Variants in RYR2 observed in about 807,000 individuals in gnomAD.
The protein encoded by RYR2 is cardiac muscle ryanodine receptor-calcium release channel.
RYR2 carries 227 observed loss-of-function variants against 601.1 expected under a neutral mutation model. The observed-to-expected ratio is 0.38, with a 90% CI of 0.34 to 0.42. The LOEUF is 0.42. Ranked by LOEUF, RYR2 falls within the 10% of genes least tolerant of loss-of-function variation. The probability of loss-of-function intolerance (pLI) is 1.00; values close to 1 mark genes in which losing one functional copy is unlikely to be tolerated. For synonymous variants in RYR2, 2,223 were observed against 2,175.1 expected, an observed-to-expected ratio of 1.02 and a Z score of -0.61; for missense variants, 4,646 against 6,156.5, an observed-to-expected ratio of 0.75 and a Z score of 8.21.
intron 1 of RYR2, among the ~76,000 whole-genome samples, chr1:237,115,408 G>T (rs1669957006): frequency 6.6e-6 from 1 of 152,160 alleles, no homozygotes; most frequent in Admixed American, 6.5e-5. Flanking sequence ...ACACAGCAAG[G>T]CTAATTCCTG....
intron 56 of RYR2, among the ~76,000 whole-genome samples, chr1:237,664,049 A>G (rs771999303): frequency 6.6e-6 from 1 of 152,232 alleles, no homozygotes; most frequent in Non-Finnish European, 1.5e-5. Flanking sequence ...TTTCAGGCAT[A>G]TCCCACAGGT....
intron 10 of RYR2, among the ~76,000 whole-genome samples, chr1:237,406,185 CTCCCCTTCCCTTCCCTCCCCTCCCT>C (rs1703864846): frequency 1.0e-4 from 7 of 69,020 alleles, no homozygotes; most frequent in African/African-American, 3.8e-4. Context: ...CTCCCCTCCC[CTCCCCTTCCCTTCCCTCCCCTCCCT>C]TCCCCTCCCC....
intron 38 of RYR2, among the ~76,000 whole-genome samples, chr1:237,621,071 T>G (rs1222966557): frequency 6.6e-6 from 1 of 152,130 alleles, no homozygotes. Context: ...CATTTTTTTA[T>G]CACATTGTTA....
chr1:237,198,967 A>G (rs1680874308), intron 1 of RYR2, among the ~76,000 whole-genome samples: 1 of 152,158 alleles, frequency 6.6e-6, no homozygotes, highest in Non-Finnish European at 1.5e-5. Context: ...CAAGAATTTA[A>G]CAAACTTAAT....
chr1:237,656,097 A>T, intron 53 of RYR2, 113 bp downstream of exon 53: 1 of 844,128 alleles, frequency 1.2e-6, no homozygotes, highest in Non-Finnish European at 1.8e-6. Context: ...TTGAATTGGT[A>T]TCCTTTTAAT....
rs1017137378 is a variant in RYR2 at position 237,216,407 on chromosome 1, C to A, written c.49-54090C>A. Among the ~76,000 whole-genome samples, 3 of 151,980 alleles carry A rather than the reference C, an allele frequency of 2.0e-5. No homozygotes were observed. The South Asian group carries it at 6.2e-4, about 32-fold the overall frequency. On this transcript the variant is annotated intron_variant, in intron 1 of 104. Coordinates refer to ENST00000366574, the MANE Select transcript of RYR2 (RefSeq NM_001035.3). ...ATCTTAGAAAAGTGAGGATTCCAAG[C>A]CTTAAGTTGAATGTTCAATTGATTT...
At chr1:237,149,213 C>G (rs1296113964) in intron 1 of RYR2, among the ~76,000 whole-genome samples, 4 of 152,118 alleles carry the variant, frequency 2.6e-5, no homozygotes, top group African/African-American at 9.7e-5. Flanking sequence ...CTATGCCTAT[C>G]TATATCCTTG....
At chr1:237,522,077 G>A (rs997357250) in intron 24 of RYR2, among the ~76,000 whole-genome samples, 3 of 151,936 alleles carry the variant, frequency 2.0e-5, no homozygotes, top group Admixed American at 6.6e-5. Flanking sequence ...CCATTAACTC[G>A]TCATTTAACA....
At chr1:237,657,308 AAG>A (rs1558155699) in intron 53 of RYR2, among the ~76,000 whole-genome samples, 1 of 152,142 alleles carries the variant, frequency 6.6e-6, no homozygotes, top group East Asian at 1.9e-4. Flanking sequence ...ATACTTTAAT[AAG>A]ATATATTTAT....
At chr1:237,657,908 G>T in intron 53 of RYR2, 36 bp from the exon 54 acceptor site, 1 of 1,170,038 alleles carries the variant, frequency 8.5e-7, no homozygotes, top group Non-Finnish European at 1.2e-6. Context: ...TAAATTCTGT[G>T]AAAATCAAGC....
At chr1:237,192,175 G>GAA (rs568939770) in intron 1 of RYR2, among the ~76,000 whole-genome samples, 13 of 122,684 alleles carry the variant, frequency 1.1e-4, no homozygotes, top group East Asian at 2.3e-4. Context: ...GCTTTCTCCA[G>GAA]AAAAAAAAAA....
At chr1:237,214,742 C>T (rs1682978156) in intron 1 of RYR2, among the ~76,000 whole-genome samples, 1 of 152,196 alleles carries the variant, frequency 6.6e-6, no homozygotes, top group Non-Finnish European at 1.5e-5. Flanking sequence ...AGGGTAGTTT[C>T]ACTCAATCCA....
chr1:237,129,943 A>G (rs1671972348), intron 1 of RYR2, among the ~76,000 whole-genome samples: 1 of 152,132 alleles, frequency 6.6e-6, no homozygotes, highest in South Asian at 2.1e-4. Flanking sequence ...GGCTGGGGTT[A>G]GGGAGGACAT....
intron 1 of RYR2, among the ~76,000 whole-genome samples, chr1:237,086,202 G>A (rs1666310107): frequency 6.6e-6 from 1 of 152,218 alleles, no homozygotes; most frequent in African/African-American, 2.4e-5. Context: ...TCAAGATCAA[G>A]GTGTTGGCAG....
intron 1 of RYR2, among the ~76,000 whole-genome samples, chr1:237,183,264 G>T (rs1264282575): frequency 6.6e-6 from 1 of 152,214 alleles, no homozygotes; most frequent in East Asian, 1.9e-4. Context: ...CCTAGGGCAA[G>T]CTATTCATGA....
rs1553289116 is a variant in RYR2 at position 237,699,027 on chromosome 1, TA to T, written c.9128+5del. 6.9e-7 allele frequency: 1 copy of T among 1,449,252 alleles called. No individual in the cohort carries two copies. Among genetic ancestry groups the T allele is most frequent in the Non-Finnish European group, 9.5e-7 (1 of 1,053,418 alleles). The allele number at this position is 1,449,252 out of a possible 1,614,324, so 89.8% of individuals were successfully genotyped here. ...TTTGGGTCAGACTTTGGATGCAAGGTAAATGGATACATTTTTACCTAAATAA... is the reference window on the plus strand; with the variant it reads ...TTTGGGTCAGACTTTGGATGCAAGGTAATGGATACATTTTTACCTAAATAA... On this transcript the variant is annotated splice_donor_region_variant and intron_variant, in intron 64 of 104. Transcript: ENST00000366574.
In RYR2 at chr1:237,454,493, C is replaced by A. The variant is rs111990043; in HGVS notation, c.1395C>A (p.Pro465=). The A allele has an allele frequency of 6.3e-5, 102 of 1,613,426 alleles. No individual in the cohort carries two copies. Among genetic ancestry groups the A allele is most frequent in the South Asian group, 2.3e-4 (21 of 91,070 alleles). The part of the protein sequence containing the change: ...SLQDLIGYFH[P]PDEHLEHEDK... Reference sequence around the variant, plus strand: ...AGGATCTCATTGGCTACTTCCACCCCCCAGATGAGCATTTAGAGCATGAAG... The same window carrying A: ...AGGATCTCATTGGCTACTTCCACCCACCAGATGAGCATTTAGAGCATGAAG... The change falls in exon 15 of 105, where the codon CCC becomes CCA. Residue 465 remains proline (P), a synonymous_variant. Transcript: ENST00000366574.
intron 14 of RYR2, among the ~76,000 whole-genome samples, chr1:237,449,626 A>T (rs1318945500): frequency 6.6e-6 from 1 of 151,860 alleles, no homozygotes; most frequent in Non-Finnish European, 1.5e-5. Context: ...TGCATGAAGG[A>T]CTTTCTTTAA....
intron 90 of RYR2, 132 bp downstream of exon 90, chr1:237,785,104 G>A (rs1283218265): frequency 1.7e-5 from 12 of 713,374 alleles, no homozygotes; most frequent in Non-Finnish European, 2.7e-5. Context: ...AAAGAGAAAT[G>A]CTTTTTGGTA....
Sources: gnomAD v4.1 joint callset for allele counts (sites outside exome capture counted in the v4.1 genomes callset) on GRCh38, gnomAD v4.1.1 for gene constraint, MANE v1.5 for transcripts, NCBI Gene and HGNC (gene_info 2026-07-23, HGNC 2026-07-21) for gene names.